UNC13C: variants seen among roughly 807,000 people sequenced by gnomAD.
The protein encoded by UNC13C is unc-13 homolog C.
A neutral mutation model predicts 245.4 loss-of-function variants in UNC13C; 174 were observed. The observed-to-expected ratio is 0.71, with a 90% CI of 0.63 to 0.80. The LOEUF (loss-of-function observed/expected upper bound fraction) is 0.80, where lower values mean the gene tolerates loss of function less well. Ranked by LOEUF, UNC13C falls within the 30% of genes least tolerant of loss-of-function variation. The pLI, the probability that UNC13C is intolerant of heterozygous loss-of-function variation, is 0.00. For synonymous variants in UNC13C, 992 were observed against 895.1 expected, an observed-to-expected ratio of 1.11 and a Z score of -1.93; for missense variants, 2,829 against 2,602.9, an observed-to-expected ratio of 1.09 and a Z score of -1.89.
chr15:54,493,546 G>A (rs529144879), intron 19 of UNC13C, among the ~76,000 whole-genome samples: 7 of 152,088 alleles, frequency 4.6e-5, no homozygotes, highest in African/African-American at 1.7e-4. Context: ...TGAAAAGCAG[G>A]GATGCCTTTA....
chr15:54,604,516 C>G (rs1452630445), intron 30 of UNC13C, among the ~76,000 whole-genome samples: 1 of 152,112 alleles, frequency 6.6e-6, no homozygotes, highest in Admixed American at 6.6e-5. Context: ...TACCTCTTTC[C>G]TCAAGGGGCT....
At chr15:54,383,037 C>A (rs1236417930) in intron 17 of UNC13C, among the ~76,000 whole-genome samples, 2 of 152,076 alleles carry the variant, frequency 1.3e-5, no homozygotes, top group South Asian at 4.1e-4. Flanking sequence ...TGAGGAGCAA[C>A]ATTGAATCAG....
chr15:54,088,805 A>C (rs1169383374), intron 2 of UNC13C, among the ~76,000 whole-genome samples: 4 of 152,266 alleles, frequency 2.6e-5, no homozygotes, highest in Middle Eastern at 3.4e-3. Flanking sequence ...GGATTTAAAC[A>C]TTTTCTGCCT....
chr15:54,111,831 T>C (rs1301237902), intron 2 of UNC13C, among the ~76,000 whole-genome samples: 2 of 152,120 alleles, frequency 1.3e-5, no homozygotes, highest in African/African-American at 2.4e-5. Flanking sequence ...TGAAGGGAGA[T>C]ACTGCCCTTC....
intron 2 of UNC13C, among the ~76,000 whole-genome samples, chr15:54,038,124 A>ATATATAAAAATTTTTTTTTTTTTTTTTTT: frequency 6.7e-5 from 3 of 45,038 alleles, no homozygotes; most frequent in African/African-American, 3.2e-4. Context: ...ATATATATAT[A>ATATATAAAAATTTTTTTTTTTTTTTTTTT]TTTTTTTTTT....
At chr15:54,173,911 G>A (rs140333578) in intron 4 of UNC13C, among the ~76,000 whole-genome samples, 123 of 152,074 alleles carry the variant, frequency 8.1e-4, no homozygotes, top group South Asian at 3.5e-3. Flanking sequence ...TCATAAATGT[G>A]TGTTGAATTT....
the UNC13C span, chr15:53,972,557 T>C: frequency 6.6e-6 from 1 of 152,202 alleles, no homozygotes; most frequent in African/African-American, 2.4e-5. Context: ...AACAAGAAAT[T>C]GGGTAATTAA....
chr15:54,539,721 G>C (rs1896158703), intron 26 of UNC13C, among the ~76,000 whole-genome samples: 2 of 152,008 alleles, frequency 1.3e-5, no homozygotes, highest in South Asian at 4.1e-4. Context: ...CTGTGGCCAA[G>C]GTTGTGGAAC....
At chr15:54,170,817 T>TA in intron 4 of UNC13C, among the ~76,000 whole-genome samples, 1 of 152,272 alleles carries the variant, frequency 6.6e-6, no homozygotes, top group Admixed American at 6.5e-5. Context: ...CGCAGATACC[T>TA]AAAAAGTAAA....
intron 14 of UNC13C, among the ~76,000 whole-genome samples, chr15:54,323,218 A>G (rs1313297406): frequency 1.3e-5 from 2 of 152,040 alleles, no homozygotes; most frequent in Admixed American, 1.3e-4. Context: ...CCAATAGGGA[A>G]AAAGATGTGC....
intron 21 of UNC13C, 145 bp downstream of exon 21, chr15:54,500,320 G>C (rs1177656469): frequency 1.5e-6 from 1 of 662,162 alleles, no homozygotes; most frequent in Non-Finnish European, 2.6e-6. Context: ...CAATTTCAGT[G>C]GTCTGGTCAG....
At chr15:54,093,927 G>C (rs866782640) in intron 2 of UNC13C, among the ~76,000 whole-genome samples, 1 of 152,120 alleles carries the variant, frequency 6.6e-6, no homozygotes, top group Non-Finnish European at 1.5e-5. Flanking sequence ...GCAGTTATGA[G>C]AGCGCACTCC....
chr15:54,009,588 C>G (rs1278967100), intron 1 of UNC13C, among the ~76,000 whole-genome samples: 2 of 150,464 alleles, frequency 1.3e-5, no homozygotes, highest in South Asian at 2.1e-4. Context: ...CGCTTTGTCA[C>G]CAGGCTGGAG....
chr15:53,944,600 T>C, the UNC13C span, among the ~76,000 whole-genome samples: 5 of 152,262 alleles, frequency 3.3e-5, no homozygotes, highest in Non-Finnish European at 7.3e-5. Context: ...TCATTCTTTT[T>C]TGTTGCTGTA....
chr15:54,332,164 T>C, intron 15 of UNC13C, 53 bp downstream of exon 15: 1 of 1,277,766 alleles, frequency 7.8e-7, no homozygotes, highest in Admixed American at 2.7e-5. Context: ...TCTAGAGAAT[T>C]TCTTGCCATA....
intron 13 of UNC13C, among the ~76,000 whole-genome samples, chr15:54,316,120 A>G (rs1042213792): frequency 3.3e-5 from 5 of 151,832 alleles, no homozygotes; most frequent in Non-Finnish European, 5.9e-5. Context: ...ATACTTTTTA[A>G]CTTATATTTA....
intron 30 of UNC13C, among the ~76,000 whole-genome samples, chr15:54,575,433 C>T (rs1311002204): frequency 2.0e-5 from 3 of 152,266 alleles, no homozygotes; most frequent in African/African-American, 7.2e-5. Flanking sequence ...TAATTATATT[C>T]CTCAAACTAT....
chr15:54,511,283 C>A lies in UNC13C; in HGVS notation c.5380-470C>A, dbSNP rs114163691. Among the ~76,000 whole-genome samples, 889 of 152,132 alleles carry A rather than the reference C, an allele frequency of 5.8e-3. 11 individuals are homozygous for A. Among genetic ancestry groups the A allele is most frequent in the African/African-American group, 0.021 (856 of 41,520 alleles). ...GGTTAAAGCCAGAAGAAAAACACTT[C>A]GAATACCAGCATGTGGTCTTTACCT... On this transcript the variant is annotated intron_variant, in intron 23 of 32. Coordinates refer to ENST00000260323, the MANE Select transcript of UNC13C (RefSeq NM_001080534.3).
At chr15:53,895,265 G>A in the UNC13C span, among the ~76,000 whole-genome samples, 1 of 146,258 alleles carries the variant, frequency 6.8e-6, no homozygotes, top group Non-Finnish European at 1.5e-5. Context: ...TCTAGATGCT[G>A]AGGAAGGAGA....
Sources: allele counts gnomAD v4.1 joint callset (sites outside exome capture counted in the v4.1 genomes callset), GRCh38; gene constraint gnomAD v4.1.1; transcripts MANE v1.5; gene names NCBI Gene and HGNC (gene_info 2026-07-23, HGNC 2026-07-21).